Variants in FRYL observed in about 807,000 individuals in gnomAD.
FRYL encodes the protein protein furry homolog-like.
In FRYL, 150 loss-of-function variants were observed where a neutral mutation model predicts 351.2. The ratio of observed to expected loss-of-function variants is 0.43; its 90% CI spans 0.37 to 0.49. The LOEUF (loss-of-function observed/expected upper bound fraction) is 0.49, where lower values mean the gene tolerates loss of function less well. Among genes scored for constraint, FRYL ranks in the 20% least tolerant of loss-of-function variants. The probability of loss-of-function intolerance (pLI) is 0.00; values close to 1 mark genes in which losing one functional copy is unlikely to be tolerated. For synonymous variants in FRYL, 1,153 were observed against 1,257.1 expected, an observed-to-expected ratio of 0.92 and a Z score of 1.75; for missense variants, 3,036 against 3,619.3, an observed-to-expected ratio of 0.84 and a Z score of 4.13.
intron 1 of FRYL, among the ~76,000 whole-genome samples, chr4:48,711,202 G>C (rs1384046638): frequency 6.6e-6 from 1 of 152,236 alleles, no homozygotes; most frequent in South Asian, 2.1e-4. Context: ...AGGAGTGCCA[G>C]ACAGTGGGCG....
rs1722744411 is a variant in FRYL, at chr4:48,512,744, C to T, written c.7938-56G>A. ...CACTATCTCAGAAAAAAAGAATAGGCTCAATCACGTAAGACAGCTTAAGTC... is the reference window on the plus strand; with the variant it reads ...CACTATCTCAGAAAAAAAGAATAGGTTCAATCACGTAAGACAGCTTAAGTC... On this transcript the variant is annotated intron_variant, in intron 56 of 63. Coordinates refer to ENST00000358350, the MANE Select transcript of FRYL (RefSeq NM_015030.2). 6 of 1,294,236 alleles carry T rather than the reference C, an allele frequency of 4.6e-6. No individual in the cohort carries two copies. The South Asian group carries it at 6.1e-5, about 13-fold the overall frequency. 80.2% of individuals were successfully genotyped at this position (1,294,236 alleles called of 1,614,324 possible).
chr4:48,716,320 C>A (rs1006132534), intron 1 of FRYL, among the ~76,000 whole-genome samples: 1 of 151,328 alleles, frequency 6.6e-6, no homozygotes, highest in Non-Finnish European at 1.5e-5. Context: ...AAAGAAACTA[C>A]CATCAGAGTG....
chr4:48,656,926 C>G (rs990912178), intron 3 of FRYL, among the ~76,000 whole-genome samples: 1 of 152,046 alleles, frequency 6.6e-6, no homozygotes, highest in Non-Finnish European at 1.5e-5. Context: ...GAGCCTCATT[C>G]TCTCAACTCA....
At chr4:48,559,711 A>G (rs1735020170) in intron 33 of FRYL, among the ~76,000 whole-genome samples, 2 of 145,312 alleles carry the variant, frequency 1.4e-5, no homozygotes, top group South Asian at 4.7e-4. Context: ...AGAGGGAGAG[A>G]GAGAGACTCT....
At chr4:48,680,777 A>C (rs994740970) in intron 3 of FRYL, among the ~76,000 whole-genome samples, 17 of 152,224 alleles carry the variant, frequency 1.1e-4, no homozygotes, top group Non-Finnish European at 5.9e-5. Flanking sequence ...TTTTATTAAA[A>C]AAGTAGGCCA....
chr4:48,521,027 C>A, intron 55 of FRYL, 21 bp downstream of exon 55: 1 of 1,588,068 alleles, frequency 6.3e-7, no homozygotes, highest in Non-Finnish European at 8.6e-7. Flanking sequence ...TGGCCATGCA[C>A]CAGCCTCCAT....
At chr4:48,574,279 GAATTT>G (rs1460939435) in intron 25 of FRYL, among the ~76,000 whole-genome samples, 3 of 152,032 alleles carry the variant, frequency 2.0e-5, no homozygotes, top group African/African-American at 7.2e-5. Flanking sequence ...CTAATTATGA[GAATTT>G]AATTATTTTA....
chr4:48,741,659 A>G (rs1362643274), intron 1 of FRYL, among the ~76,000 whole-genome samples: 4 of 152,092 alleles, frequency 2.6e-5, no homozygotes, highest in African/African-American at 9.7e-5. Flanking sequence ...TGGCGCCACT[A>G]TACTCCATCC....
At chr4:48,739,664 A>G (rs953482244) in intron 1 of FRYL, among the ~76,000 whole-genome samples, 4 of 152,178 alleles carry the variant, frequency 2.6e-5, no homozygotes, top group African/African-American at 9.6e-5. Context: ...GAATTTGGCA[A>G]TGACTTTTTA....
chr4:48,566,208 G>A (rs1364396481), intron 28 of FRYL, among the ~76,000 whole-genome samples: 1 of 152,108 alleles, frequency 6.6e-6, no homozygotes, highest in African/African-American at 2.4e-5. Context: ...GGCAGTTCAG[G>A]CCTAGTGTCC....
At chr4:48,742,694 AG>A (rs1392551222) in intron 1 of FRYL, among the ~76,000 whole-genome samples, 2 of 152,316 alleles carry the variant, frequency 1.3e-5, no homozygotes, top group Middle Eastern at 3.4e-3. Flanking sequence ...TACCATCACT[AG>A]CCCCCAAAAA....
At chr4:48,587,475 TG>T (rs1272651027) in intron 18 of FRYL, among the ~76,000 whole-genome samples, 1 of 152,176 alleles carries the variant, frequency 6.6e-6, no homozygotes, top group African/African-American at 2.4e-5. Flanking sequence ...GTTCTTCAGT[TG>T]GCCTAATAAA....
chr4:48,713,034 G>A (rs1768284493), intron 1 of FRYL, among the ~76,000 whole-genome samples: 2 of 151,638 alleles, frequency 1.3e-5, no homozygotes, highest in Non-Finnish European at 2.9e-5. Flanking sequence ...AATGCTGAGA[G>A]ATTCTGTCAC....
chr4:48,716,651 G>A (rs1196182396), intron 1 of FRYL, among the ~76,000 whole-genome samples: 6 of 151,596 alleles, frequency 4.0e-5, no homozygotes, highest in Middle Eastern at 3.4e-3. Flanking sequence ...TGGAGAAATC[G>A]GAACACTTTT....
chr4:48,650,635 A>G (rs1014615066), intron 3 of FRYL, among the ~76,000 whole-genome samples: 39 of 152,228 alleles, frequency 2.6e-4, no homozygotes, highest in African/African-American at 5.3e-4. Flanking sequence ...CTGGCAAAGC[A>G]TGGCGAGAAC....
chr4:48,585,719 T>C (rs1741962441), intron 19 of FRYL, among the ~76,000 whole-genome samples: 1 of 152,252 alleles, frequency 6.6e-6, no homozygotes, highest in African/African-American at 2.4e-5. Flanking sequence ...CAGTTGTACA[T>C]ACTTTTGTGG....
chr4:48,727,533 T>C (rs1174511107), intron 1 of FRYL: 2 of 152,146 alleles, frequency 1.3e-5, no homozygotes, highest in Admixed American at 1.3e-4. Context: ...TAAGAAAGTC[T>C]GAGAGTCAAA....
chr4:48,721,142 A>G (rs1769422678), intron 1 of FRYL, among the ~76,000 whole-genome samples: 1 of 152,182 alleles, frequency 6.6e-6, no homozygotes, highest in Admixed American at 6.5e-5. Flanking sequence ...TTTTCATTAT[A>G]GAACTCATCA....
intron 3 of FRYL, among the ~76,000 whole-genome samples, chr4:48,683,384 A>G (rs1456227832): frequency 1.3e-5 from 2 of 151,936 alleles, no homozygotes; most frequent in East Asian, 3.9e-4. Context: ...AAACCTGCAC[A>G]TTCTGCACAT....
Sources: allele counts gnomAD v4.1 joint callset (sites outside exome capture counted in the v4.1 genomes callset), GRCh38; gene constraint gnomAD v4.1.1; transcripts MANE v1.5; gene names NCBI Gene and HGNC (gene_info 2026-07-23, HGNC 2026-07-21).